The following SCFD2 variants were observed in gnomAD, a reference collection of about 807,000 sequenced individuals.
SCFD2 encodes the protein sec1 family domain containing 2.
In SCFD2, 54 loss-of-function variants were observed where a neutral mutation model predicts 58.9. That is an observed-to-expected ratio of 0.92 (90% confidence interval 0.74 to 1.15). SCFD2 has a LOEUF of 1.15. Ranked by LOEUF, SCFD2 falls within the 50% of genes most tolerant of loss-of-function variation. SCFD2 has a pLI of 0.00. For missense variants in SCFD2, 805 were observed against 836.6 expected (o/e 0.96, Z 0.47); for synonymous variants, 321 against 335.9 (o/e 0.96, Z 0.49).
chr4:53,014,561 T>C (rs1043988265), intron 5 of SCFD2, among the ~76,000 whole-genome samples: 2 of 152,228 alleles, frequency 1.3e-5, no homozygotes, highest in African/African-American at 4.8e-5. Context: ...ATTCAGCATT[T>C]ATCAAGAACC....
chr4:53,311,371 A>T (rs528685518), intron 3 of SCFD2, among the ~76,000 whole-genome samples: 70 of 149,224 alleles, frequency 4.7e-4, no homozygotes, highest in South Asian at 1.1e-3. Flanking sequence ...CTTAAAAAAA[A>T]TTTTTTTTTT....
intron 3 of SCFD2, among the ~76,000 whole-genome samples, chr4:53,305,178 T>A (rs1732474317): frequency 6.6e-6 from 1 of 152,176 alleles, no homozygotes; most frequent in African/African-American, 2.4e-5. Context: ...TATATACATA[T>A]GTATTTTTTA....
intron 5 of SCFD2, among the ~76,000 whole-genome samples, chr4:53,015,228 C>A (rs536071381): frequency 8.5e-5 from 13 of 152,232 alleles, no homozygotes; most frequent in African/African-American, 3.1e-4. Flanking sequence ...TAACCATATA[C>A]TTGGATGGTC....
At chr4:53,328,365 C>G (rs1178603191) in intron 2 of SCFD2, among the ~76,000 whole-genome samples, 1 of 152,000 alleles carries the variant, frequency 6.6e-6, no homozygotes, top group Non-Finnish European at 1.5e-5. Context: ...ATGACTGATT[C>G]CAGGACTAGC....
intron 4 of SCFD2, among the ~76,000 whole-genome samples, chr4:53,218,707 G>T (rs1728944438): frequency 6.6e-6 from 1 of 152,196 alleles, no homozygotes; most frequent in African/African-American, 2.4e-5. Flanking sequence ...CTTTGGAGGG[G>T]GAGAGGCGCT....
intron 4 of SCFD2, among the ~76,000 whole-genome samples, chr4:53,239,874 A>G (rs1729841169): frequency 6.6e-6 from 1 of 152,228 alleles, no homozygotes; most frequent in African/African-American, 2.4e-5. Flanking sequence ...ACTCATAAAA[A>G]TCTTCCTAGC....
chr4:53,340,648 G>T (rs188830309), intron 2 of SCFD2, among the ~76,000 whole-genome samples: 3 of 152,276 alleles, frequency 2.0e-5, no homozygotes, highest in Middle Eastern at 3.4e-3. Flanking sequence ...ATCTGAGAAC[G>T]GGCAGACTAC....
At chr4:53,054,114 A>G (rs1564679) in intron 5 of SCFD2, among the ~76,000 whole-genome samples, 145,702 of 152,120 alleles carry the variant, frequency 0.96, 70,103 homozygotes, top group East Asian at 1. Context: ...CCGGCCTCTG[A>G]TAACCACCCA....
chr4:53,305,037 A>T (rs1732469563), intron 3 of SCFD2, among the ~76,000 whole-genome samples: 1 of 152,006 alleles, frequency 6.6e-6, no homozygotes, highest in South Asian at 2.1e-4. Context: ...TGTTGATACT[A>T]TTCCTTTCTG....
chr4:53,014,318 G>C (rs73149170), intron 5 of SCFD2, among the ~76,000 whole-genome samples: 4 of 152,192 alleles, frequency 2.6e-5, no homozygotes, highest in Non-Finnish European at 5.9e-5. Flanking sequence ...TGTTAGTTAC[G>C]CACTGAAGGG....
At chr4:53,194,948 A>G (rs1435507358) in intron 4 of SCFD2, among the ~76,000 whole-genome samples, 1 of 152,220 alleles carries the variant, frequency 6.6e-6, no homozygotes, top group African/African-American at 2.4e-5. Flanking sequence ...ATGGATTTGA[A>G]CTGGACAGAT....
chr4:52,896,347 A>G (rs1238076526), intron 7 of SCFD2, among the ~76,000 whole-genome samples: 1 of 152,150 alleles, frequency 6.6e-6, no homozygotes. Flanking sequence ...TATAAGGTGT[A>G]AGGAAGGGAT....
chr4:53,084,946 A>T (rs1406052291), intron 5 of SCFD2, among the ~76,000 whole-genome samples: 1 of 152,228 alleles, frequency 6.6e-6, no homozygotes, highest in Admixed American at 6.5e-5. Flanking sequence ...AATGGTGAAA[A>T]ACTGAAAGCC....
intron 5 of SCFD2, among the ~76,000 whole-genome samples, chr4:53,117,626 G>A (rs1023477104): frequency 6.6e-6 from 1 of 152,178 alleles, no homozygotes; most frequent in African/African-American, 2.4e-5. Flanking sequence ...TTATCTGGAG[G>A]TGTAGAAGGG....
At chr4:53,069,486 T>C (rs1723755464) in intron 5 of SCFD2, among the ~76,000 whole-genome samples, 2 of 152,092 alleles carry the variant, frequency 1.3e-5, no homozygotes, top group Admixed American at 6.6e-5. Flanking sequence ...ATCTCCTAAA[T>C]GCTATGCTTC....
At chr4:53,084,209 AC>A (rs1220399676) in intron 5 of SCFD2, among the ~76,000 whole-genome samples, 1 of 151,892 alleles carries the variant, frequency 6.6e-6, no homozygotes, top group African/African-American at 2.4e-5. Flanking sequence ...CCGTTTATGG[AC>A]CTCCCTCCAG....
chr4:53,202,776 C>A (rs1728289066), intron 4 of SCFD2, among the ~76,000 whole-genome samples: 1 of 151,964 alleles, frequency 6.6e-6, no homozygotes, highest in African/African-American at 2.4e-5. Flanking sequence ...GTATTTTATT[C>A]TCTTTGAAGC....
intron 5 of SCFD2, among the ~76,000 whole-genome samples, chr4:52,997,602 C>T (rs1477378550): frequency 2.6e-5 from 4 of 152,110 alleles, no homozygotes; most frequent in Admixed American, 2.6e-4. Context: ...TATTGCTGGC[C>T]TGGGGAATGG....
At chr4:52,876,464 T>A (rs1457715684) in intron 8 of SCFD2, among the ~76,000 whole-genome samples, 1 of 152,096 alleles carries the variant, frequency 6.6e-6, no homozygotes, top group Non-Finnish European at 1.5e-5. Context: ...GAAGCCCTTT[T>A]TCGAACTGGG....
Sources: gnomAD v4.1 joint callset for allele counts (sites outside exome capture counted in the v4.1 genomes callset) on GRCh38, gnomAD v4.1.1 for gene constraint, MANE v1.5 for transcripts, NCBI Gene and HGNC (gene_info 2026-07-23, HGNC 2026-07-21) for gene names.